Variants in USP34 observed in about 807,000 individuals in gnomAD.
USP34 encodes the protein ubiquitin specific peptidase 34.
USP34 carries 70 observed loss-of-function variants against 460.3 expected under a neutral mutation model. The ratio of observed to expected loss-of-function variants is 0.15; its 90% CI spans 0.13 to 0.19. USP34 has a LOEUF of 0.19. USP34 is among the 10% of genes least tolerant of loss of function. USP34 has a pLI of 1.00. For missense variants in USP34, 3,985 were observed against 4,236.2 expected, an observed-to-expected ratio of 0.94 and a Z score of 1.65; for synonymous variants, 1,647 against 1,405.3, an observed-to-expected ratio of 1.17 and a Z score of -3.85.
At chr2:61,391,697 G>A (rs1313060133) in intron 5 of USP34, among the ~76,000 whole-genome samples, 2 of 151,948 alleles carry the variant, frequency 1.3e-5, no homozygotes, top group African/African-American at 4.8e-5. Context: ...AAATGATCAG[G>A]GTTTATACAA....
Position 61,257,105 on chromosome 2 carries a change from T to C in USP34, c.5995A>G (p.Asn1999Asp). Residue 1999 changes from asparagine to aspartate, a missense_variant, in exon 46 of 80, where the codon AAT becomes GAT. By Grantham distance (23) the Asn-to-Asp change is conservative. Around this residue, in one of 14 missense-constraint regions of USP34, gnomAD observed 145 missense variants for 291.6 expected, o/e 0.50. Coordinates refer to ENST00000398571, the MANE Select transcript of USP34 (RefSeq NM_014709.4). Reference protein sequence around the residue: ...KIEEMSPELKNTVKSLFGGVI... With the variant: ...KIEEMSPELKDTVKSLFGGVI... ...CCTCCAAATAAACTTTTGACGGTAT[T>C]TTTCTTTAATATAAAACAAACAAAA... The C allele has an allele frequency of 6.3e-7, 1 of 1,577,910 alleles. No homozygotes were observed. Among genetic ancestry groups the C allele is most frequent in the South Asian group, 1.2e-5 (1 of 84,658 alleles).
chr2:61,268,191 A>G (rs1196799262), intron 41 of USP34, among the ~76,000 whole-genome samples: 2 of 152,148 alleles, frequency 1.3e-5, no homozygotes, highest in African/African-American at 4.8e-5. Flanking sequence ...TATTTGTCCA[A>G]TAAAAGAACT....
At chr2:61,383,908 A>G (rs920621583) in intron 5 of USP34, among the ~76,000 whole-genome samples, 1 of 152,304 alleles carries the variant, frequency 6.6e-6, no homozygotes, top group Non-Finnish European at 1.5e-5. Context: ...CTTCTTGCTG[A>G]AAAGACAAAA....
chr2:61,406,625 G>A (rs181913374), intron 2 of USP34, among the ~76,000 whole-genome samples: 1 of 150,096 alleles, frequency 6.7e-6, no homozygotes, highest in African/African-American at 2.5e-5. Context: ...AAAGTGTTTA[G>A]GAACAACACA....
At chr2:61,343,784 G>A (rs554329256) in intron 16 of USP34, 31 bp downstream of exon 16, 34 of 1,583,116 alleles carry the variant, frequency 2.1e-5, no homozygotes, top group Admixed American at 5.0e-5. Context: ...TGTGAAGAAG[G>A]TAATATATTT....
At chr2:61,256,699 T>C (rs2103895360) in intron 47 of USP34, among the ~76,000 whole-genome samples, 174 bp downstream of exon 47, 1 of 152,244 alleles carries the variant, frequency 6.6e-6, no homozygotes, top group Admixed American at 6.5e-5. Context: ...AAATTTTGAT[T>C]GGGCAAGAAA....
At chr2:61,458,622 GAAAAAAAA>G (rs59134299) in intron 1 of USP34, among the ~76,000 whole-genome samples, 1 of 113,232 alleles carries the variant, frequency 8.8e-6, no homozygotes, top group Non-Finnish European at 1.8e-5. Flanking sequence ...AGGCAAAAAG[GAAAAAAAA>G]AAAAAAAAAG....
At chr2:61,199,813 T>A (rs1686917062) in intron 75 of USP34, among the ~76,000 whole-genome samples, 1 of 152,056 alleles carries the variant, frequency 6.6e-6, no homozygotes, top group Non-Finnish European at 1.5e-5. Flanking sequence ...TTTACTGTTG[T>A]GAAATAAGGG....
intron 1 of USP34, among the ~76,000 whole-genome samples, chr2:61,422,315 T>C (rs1389032735): frequency 6.6e-6 from 1 of 152,026 alleles, no homozygotes; most frequent in Non-Finnish European, 1.5e-5. Context: ...AACCATCATA[T>C]CCTACTCTAA....
intron 1 of USP34, among the ~76,000 whole-genome samples, chr2:61,425,873 T>G (rs1177939238): frequency 6.6e-6 from 1 of 151,890 alleles, no homozygotes; most frequent in Non-Finnish European, 1.5e-5. Context: ...GAAAGATGCC[T>G]TCCTTCTGTT....
At chr2:61,329,796 TA>T (rs1691206540) in intron 20 of USP34, among the ~76,000 whole-genome samples, 1 of 152,218 alleles carries the variant, frequency 6.6e-6, no homozygotes, top group South Asian at 2.1e-4. Flanking sequence ...TAAATTCTTA[TA>T]AACACTTATA....
rs139710254 is a variant in USP34 at position 61,392,125 on chromosome 2, G to A, written c.753+2728C>T. On this transcript the variant is annotated intron_variant, in intron 5 of 79. Transcript: ENST00000398571. ...GCCTAAACCTTTGTATTTAGTAAAG[G>A]ATAACTTCACAGGTTGGGCAACAGC... is the stretch of plus-strand genomic sequence containing the variant. Among the ~76,000 whole-genome samples, 787 of 152,186 alleles carry A rather than the reference G, an allele frequency of 5.2e-3. 6 individuals carry two copies. The highest frequency in any genetic ancestry group is 0.018 in the African/African-American group (744 of 41,514).
chr2:61,406,531 T>C (rs1693875328), intron 2 of USP34, among the ~76,000 whole-genome samples: 2 of 152,076 alleles, frequency 1.3e-5, no homozygotes, highest in Non-Finnish European at 2.9e-5. Context: ...AATTTTGTTG[T>C]CAACTAATAA....
At chr2:61,335,047 A>T (rs765546768) in intron 18 of USP34, among the ~76,000 whole-genome samples, 1 of 152,214 alleles carries the variant, frequency 6.6e-6, no homozygotes, top group Non-Finnish European at 1.5e-5. Context: ...GCACTAAAAC[A>T]TTTTATTAAA....
chr2:61,415,402 G>C (rs759510332), intron 2 of USP34, among the ~76,000 whole-genome samples: 3 of 152,112 alleles, frequency 2.0e-5, no homozygotes, highest in Admixed American at 1.3e-4. Flanking sequence ...AAATGAACTA[G>C]AGAACTTTTT....
intron 10 of USP34, among the ~76,000 whole-genome samples, chr2:61,368,925 T>C (rs762283725): frequency 1.3e-5 from 2 of 152,054 alleles, no homozygotes; most frequent in African/African-American, 2.4e-5. Context: ...CAGTAATAAG[T>C]TGTAATCACA....
At chr2:61,280,441 C>T (rs960101076) in intron 38 of USP34, 93 bp from the exon 39 acceptor site, 5 of 561,174 alleles carry the variant, frequency 8.9e-6, no homozygotes, top group Non-Finnish European at 1.1e-5. Flanking sequence ...GAAATAAATT[C>T]CTATATCCAC....
Position 61,449,430 on chromosome 2 carries a change from GCATCTTTGTAGAAGTTTT to G in USP34, c.43+21202_43+21219del, listed in dbSNP as rs569994824. Among the ~76,000 whole-genome samples, 794 of 151,402 alleles carry G rather than the reference GCATCTTTGTAGAAGTTTT, an allele frequency of 5.2e-3. 10 individuals are homozygous for G. Among genetic ancestry groups the G allele is most frequent in the Non-Finnish European group, 5.1e-3 (344 of 67,922 alleles). On this transcript the variant is annotated intron_variant, in intron 1 of 79. Transcript: ENST00000398571. ...ACAATCTCTACCAGAATTCCAGCTG[GCATCTTTGTAGAAGTTTT>G]CAAGTTGATCCTAAAACTCAGAAGG...
In USP34 at chr2:61,208,920, T is replaced by G; in HGVS notation, c.8898A>C (p.Arg2966=). 1 of 1,594,476 alleles carries G rather than the reference T, an allele frequency of 6.3e-7. No homozygotes were observed. Among genetic ancestry groups the G allele is most frequent in the Non-Finnish European group, 8.5e-7 (1 of 1,170,622 alleles). The change falls in exon 70 of 80, where the codon CGA becomes CGC. Residue 2966 remains arginine, a synonymous_variant. Coordinates refer to ENST00000398571, the MANE Select transcript of USP34 (RefSeq NM_014709.4). ...TTACCTCTGTCATTAGAATCAATCC[T>G]CGATTAAATACAACAAGAAGTCTGT... ...DEDRLLVVFN[R]GLILMTESFN...
Sources: gnomAD v4.1 joint callset for allele counts (sites outside exome capture counted in the v4.1 genomes callset) on GRCh38, gnomAD v4.1.1 for gene constraint, gnomAD v4.1.1 regional missense constraint, MANE v1.5 for transcripts, NCBI Gene and HGNC (gene_info 2026-07-23, HGNC 2026-07-21) for gene names.